GRIK1: variants seen among roughly 807,000 people sequenced by gnomAD.
The protein encoded by GRIK1 is glutamate receptor ionotropic, kainate 1.
A neutral mutation model predicts 105.7 loss-of-function variants in GRIK1; 69 were observed. That is an observed-to-expected ratio of 0.65 (90% confidence interval 0.54 to 0.80). The LOEUF is 0.80. Among genes scored for constraint, GRIK1 ranks in the 30% least tolerant of loss-of-function variants. The probability of loss-of-function intolerance (pLI) is 0.00; values close to 1 mark genes in which losing one functional copy is unlikely to be tolerated. For synonymous variants in GRIK1, 438 were observed against 431.3 expected (o/e 1.02, Z -0.19); for missense variants, 1,109 against 1,167.3 (o/e 0.95, Z 0.73).
intron 7 of GRIK1, among the ~76,000 whole-genome samples, chr21:29,616,663 A>G (rs2061857675): frequency 6.6e-6 from 1 of 152,246 alleles, no homozygotes; most frequent in African/African-American, 2.4e-5. Flanking sequence ...TGAGGAAAAG[A>G]GTCAAATAAA....
At chr21:29,880,194 C>T (rs926178067) in intron 1 of GRIK1, among the ~76,000 whole-genome samples, 2 of 152,022 alleles carry the variant, frequency 1.3e-5, no homozygotes, top group Non-Finnish European at 2.9e-5. Context: ...ATTCAGTGTA[C>T]CATTTATATC....
At chr21:29,905,688 G>A (rs1463981471) in intron 1 of GRIK1, among the ~76,000 whole-genome samples, 2 of 133,578 alleles carry the variant, frequency 1.5e-5, no homozygotes, top group Non-Finnish European at 3.1e-5. Flanking sequence ...GTGCAGTGGA[G>A]GGATCTCGGC....
At chr21:29,874,349 C>A (rs2069120243) in intron 1 of GRIK1, among the ~76,000 whole-genome samples, 1 of 152,126 alleles carries the variant, frequency 6.6e-6, no homozygotes, top group Non-Finnish European at 1.5e-5. Flanking sequence ...CATGAACCAC[C>A]CTTCCCCATA....
intron 1 of GRIK1, among the ~76,000 whole-genome samples, chr21:29,776,997 C>T (rs569830411): frequency 9.9e-5 from 15 of 152,200 alleles, no homozygotes; most frequent in Non-Finnish European, 1.8e-4. Flanking sequence ...AAGGGAAGTA[C>T]AAGACTGGTC....
At chr21:29,604,691 C>T (rs1348458251) in intron 7 of GRIK1, among the ~76,000 whole-genome samples, 1 of 152,120 alleles carries the variant, frequency 6.6e-6, no homozygotes, top group Non-Finnish European at 1.5e-5. Flanking sequence ...AATACTTAAA[C>T]TATTGTCCCT....
chr21:29,917,988 C>A (rs73898546), intron 1 of GRIK1, among the ~76,000 whole-genome samples: 2,004 of 152,020 alleles, frequency 0.013, 51 homozygotes, highest in African/African-American at 0.046. Flanking sequence ...TTAATTCAAA[C>A]TCTGCATTAT....
chr21:29,851,763 G>A (rs924162220), intron 1 of GRIK1, among the ~76,000 whole-genome samples: 9 of 133,682 alleles, frequency 6.7e-5, no homozygotes, highest in African/African-American at 2.8e-4. Flanking sequence ...TCCAAGAAGA[G>A]CGTCTTTAGC....
At chr21:29,878,210 G>C (rs1022309679) in intron 1 of GRIK1, among the ~76,000 whole-genome samples, 15 of 152,096 alleles carry the variant, frequency 9.9e-5, no homozygotes, top group African/African-American at 3.6e-4. Flanking sequence ...GCATTTGCTT[G>C]GTTTGTAGGT....
chr21:29,813,766 G>A (rs1428045648), intron 1 of GRIK1, among the ~76,000 whole-genome samples: 1 of 151,964 alleles, frequency 6.6e-6, no homozygotes, highest in Admixed American at 6.6e-5. Flanking sequence ...TGTTTGATTT[G>A]ATCTCCTTAC....
rs181551971 is a variant in GRIK1 at position 29,923,531 on chromosome 21, G to A, written c.118+15852C>T. 1.8e-3 allele frequency among the ~76,000 whole-genome samples: 279 copies of A among 152,276 alleles called. 2 individuals carry two copies. Among genetic ancestry groups the A allele is most frequent in the East Asian group, 1.9e-3 (10 of 5,178 alleles). On this transcript the variant is annotated intron_variant, in intron 1 of 17. Coordinates refer to ENST00000327783, the MANE Select transcript of GRIK1 (RefSeq NM_001330994.2). The stretch of plus-strand genomic sequence containing the variant: ...ATGAAATATACCATGGAGTTACAAC[G>A]AGTGTTTCCTTTCTCTCAGAAAAAA...
intron 1 of GRIK1, among the ~76,000 whole-genome samples, chr21:29,934,373 T>A (rs1290791197): frequency 6.6e-6 from 1 of 152,212 alleles, no homozygotes; most frequent in African/African-American, 2.4e-5. Flanking sequence ...AGGGGAAAGA[T>A]CTGCTCATTT....
chr21:29,571,190 A>C (rs1017595368), intron 14 of GRIK1, among the ~76,000 whole-genome samples: 48 of 151,938 alleles, frequency 3.2e-4, no homozygotes, highest in Admixed American at 6.5e-5. Context: ...CTCTACTAAA[A>C]ACACACACAC....
At position 29,827,999 on chromosome 21, in the gene GRIK1, CTCTGTCTCTCTCTGTG is replaced by C. The variant is rs761945550; in HGVS notation, c.118+111368_118+111383del. Among the ~76,000 whole-genome samples, 838 of 97,008 alleles carry C rather than the reference CTCTGTCTCTCTCTGTG, an allele frequency of 8.6e-3. 8 individuals carry two copies. Among genetic ancestry groups the C allele is most frequent in the Non-Finnish European group, 0.015 (650 of 42,500 alleles). The allele number at this position is 97,008 out of a possible 152,430, so 63.6% of individuals were successfully genotyped here. A position where few individuals can be genotyped will look rare whatever the true frequency, so the allele number is the denominator to read the frequency against. ...GATCTCTCTCTCTCTCTCTCTCTCT[CTCTGTCTCTCTCTGTG>C]TGTGTGTGTGTGTGTGTGTGGGTGT... On this transcript the variant is annotated intron_variant, in intron 1 of 17. Transcript: ENST00000327783.
chr21:29,654,852 C>G lies in GRIK1; in HGVS notation c.738G>C (p.Met246Ile). 1 of 1,580,100 alleles carries G rather than the reference C, an allele frequency of 6.3e-7. No homozygotes were observed. Among genetic ancestry groups the G allele is most frequent in the Non-Finnish European group, 8.7e-7 (1 of 1,149,024 alleles). The change falls in exon 5 of 18, where the codon ATG (methionine) becomes ATC (isoleucine). Residue 246 changes from methionine to isoleucine, a missense_variant. By Grantham distance (10) the Met-to-Ile change is conservative (BLOSUM62 1). Coordinates refer to ENST00000327783, the MANE Select transcript of GRIK1 (RefSeq NM_001330994.2). ...AGTGATAGTACTCGGTCATCATGCCCATGAACAGAATCTGCAAAAGAGAAA... is the reference window on the plus strand; with the variant it reads ...AGTGATAGTACTCGGTCATCATGCCGATGAACAGAATCTGCAAAAGAGAAA... ...AAEILKQILF[M>I]GMMTEYYHYF...
At chr21:29,722,807 C>A (rs544401430) in intron 1 of GRIK1, among the ~76,000 whole-genome samples, 1 of 152,124 alleles carries the variant, frequency 6.6e-6, no homozygotes, top group African/African-American at 2.4e-5. Context: ...TACGCTACAA[C>A]CACATAAGAA....
rs183294281 is a variant in GRIK1 at position 29,643,252 on chromosome 21, T to C, written c.955-283A>G. Among the ~76,000 whole-genome samples the C allele has an allele frequency of 1.3e-4, 20 of 152,316 alleles. 2 individuals are homozygous for C. The highest frequency in any genetic ancestry group is 4.6e-4 in the African/African-American group (19 of 41,566). On this transcript the variant is annotated intron_variant, in intron 6 of 17. Transcript: ENST00000327783. The stretch of plus-strand genomic sequence containing the variant: ...AAAGACTTGATTCAAGGAACAAATA[T>C]TTTGCGAAGTGTCCTCCATGTTAAG...
chr21:29,728,870 T>G (rs2064536582), intron 1 of GRIK1, among the ~76,000 whole-genome samples: 1 of 152,028 alleles, frequency 6.6e-6, no homozygotes, highest in Non-Finnish European at 1.5e-5. Flanking sequence ...ACTAGAAGGA[T>G]TAAGTAAGAG....
At chr21:29,936,210 C>T (rs758667533) in intron 1 of GRIK1, among the ~76,000 whole-genome samples, 1 of 152,208 alleles carries the variant, frequency 6.6e-6, no homozygotes, top group Non-Finnish European at 1.5e-5. Flanking sequence ...ATTCTTAATC[C>T]TATTTTCACC....
chr21:29,884,548 T>C (rs992566590), intron 1 of GRIK1, among the ~76,000 whole-genome samples: 1 of 152,018 alleles, frequency 6.6e-6, no homozygotes, highest in African/African-American at 2.4e-5. Flanking sequence ...ATCTCTCAGT[T>C]TGCCATTTGA....
Sources: allele counts gnomAD v4.1 joint callset (sites outside exome capture counted in the v4.1 genomes callset), GRCh38; gene constraint gnomAD v4.1.1; transcripts MANE v1.5; gene names NCBI Gene and HGNC (gene_info 2026-07-23, HGNC 2026-07-21).